RSPO3: variants seen among roughly 807,000 people sequenced by gnomAD.
RSPO3 encodes the protein R-spondin 3.
In RSPO3, 17 loss-of-function variants were observed where a neutral mutation model predicts 36.5. That is an observed-to-expected ratio of 0.47 (90% CI 0.32 to 0.70). The LOEUF (loss-of-function observed/expected upper bound fraction) is 0.70, where lower values mean the gene tolerates loss of function less well. Among genes scored for constraint, RSPO3 ranks in the 30% least tolerant of loss-of-function variants. The pLI is 0.04. For synonymous variants in RSPO3, 108 were observed against 107.0 expected, an observed-to-expected ratio of 1.01 and a Z score of -0.06; for missense variants, 294 against 322.5, an observed-to-expected ratio of 0.91 and a Z score of 0.68.
At chr6:127,147,461 G>T (rs988490814) in intron 1 of RSPO3, among the ~76,000 whole-genome samples, 1 of 151,028 alleles carries the variant, frequency 6.6e-6, no homozygotes, top group African/African-American at 2.4e-5. Context: ...AAGGATTATG[G>T]TTTTTTTTTC....
intron 1 of RSPO3, among the ~76,000 whole-genome samples, chr6:127,123,065 GAA>G (rs890738493): frequency 2.0e-5 from 3 of 152,078 alleles, no homozygotes; most frequent in East Asian, 3.9e-4. Context: ...AAGAAAGAGA[GAA>G]AGAATAAAAA....
chr6:127,176,736 G>A (rs371018026), intron 4 of RSPO3, among the ~76,000 whole-genome samples: 1 of 151,664 alleles, frequency 6.6e-6, no homozygotes, highest in Non-Finnish European at 1.5e-5. Context: ...TTCTACTCCA[G>A]GGTTTTATAA....
intron 4 of RSPO3, among the ~76,000 whole-genome samples, chr6:127,169,634 C>A (rs543118660): frequency 1.3e-5 from 2 of 151,976 alleles, no homozygotes; most frequent in South Asian, 4.1e-4. Context: ...GTTAAAGTGA[C>A]TTTGCAGAAG....
At chr6:127,169,213 T>C (rs1774887327) in intron 4 of RSPO3, among the ~76,000 whole-genome samples, 2 of 151,864 alleles carry the variant, frequency 1.3e-5, no homozygotes, top group South Asian at 4.1e-4. Flanking sequence ...TCTGGGTTTT[T>C]TTTTTCTGTT....
intron 1 of RSPO3, among the ~76,000 whole-genome samples, chr6:127,142,348 G>C (rs1384541231): frequency 6.6e-6 from 1 of 152,020 alleles, no homozygotes; most frequent in Non-Finnish European, 1.5e-5. Context: ...TATTTTCTTG[G>C]GTTGACTGGG....
At chr6:127,141,850 C>T (rs568085309) in intron 1 of RSPO3, among the ~76,000 whole-genome samples, 101 of 151,882 alleles carry the variant, frequency 6.6e-4, no homozygotes, top group South Asian at 2.1e-4. Context: ...GGCATGCATG[C>T]GTGCATATAT....
chr6:127,191,498 T>C (rs896851087), intron 4 of RSPO3, among the ~76,000 whole-genome samples: 1 of 152,236 alleles, frequency 6.6e-6, no homozygotes, highest in Non-Finnish European at 1.5e-5. Flanking sequence ...GAAATGTTTA[T>C]GTAAAAGACT....
At position 127,150,566 on chromosome 6, in the gene RSPO3, A is replaced by C. The variant is rs1357386485; in HGVS notation, c.430A>C (p.Ser144Arg). 2.5e-6 allele frequency: 4 copies of C among 1,607,170 alleles called. No individual in the cohort carries two copies. Among genetic ancestry groups the C allele is most frequent in the African/African-American group, 1.3e-5 (1 of 74,488 alleles). The change falls in exon 3 of 5, where the codon AGT becomes CGT. Residue 144 changes from serine to arginine, a missense_variant. Physicochemically the swap from Ser to Arg is moderately radical, Grantham distance 110 (BLOSUM62 -1). Coordinates refer to ENST00000356698, the MANE Select transcript of RSPO3 (RefSeq NM_032784.5). ...EANNHTMECV[S>R]IVHCEVSEWN... Reference sequence around the variant, plus strand: ...CAACAACCATACTATGGAGTGTGTCAGTATTGGTAAGGAGAACCTGTAATA... The same window carrying C: ...CAACAACCATACTATGGAGTGTGTCCGTATTGGTAAGGAGAACCTGTAATA...
intron 1 of RSPO3, among the ~76,000 whole-genome samples, chr6:127,131,122 T>C (rs1208921434): frequency 6.6e-6 from 1 of 152,160 alleles, no homozygotes; most frequent in Non-Finnish European, 1.5e-5. Context: ...GGGATTTCCT[T>C]GGAGGCCAGT....
rs141558102 is a variant in RSPO3 at position 127,170,434 on chromosome 6, T to TACACACAC, written c.634+15008_634+15015dup. On this transcript the variant is annotated intron_variant, in intron 4 of 4. Transcript: ENST00000356698. ...GAAAACAGCATGGTGGTTCCACACA[T>TACACACAC]ACACACACACACACACACAAATATA... is the stretch of plus-strand genomic sequence containing the variant. Among the ~76,000 whole-genome samples the TACACACAC allele has an allele frequency of 3.9e-3, 588 of 148,968 alleles. 5 individuals carry two copies. The East Asian group carries it at 0.044, about 11-fold the overall frequency.
At chr6:127,141,575 C>T (rs1024438489) in intron 1 of RSPO3, among the ~76,000 whole-genome samples, 1 of 152,082 alleles carries the variant, frequency 6.6e-6, no homozygotes, top group African/African-American at 2.4e-5. Flanking sequence ...CCATTAAAAA[C>T]AGTATGTTTC....
chr6:127,166,925 T>G (rs1219960925), intron 4 of RSPO3, among the ~76,000 whole-genome samples: 1 of 151,974 alleles, frequency 6.6e-6, no homozygotes, highest in Non-Finnish European at 1.5e-5. Flanking sequence ...TTCCACAGGA[T>G]GCCTATTTAT....
intron 1 of RSPO3, among the ~76,000 whole-genome samples, chr6:127,146,911 G>A (rs1004351617): frequency 5.9e-5 from 9 of 151,988 alleles, no homozygotes; most frequent in African/African-American, 9.7e-5. Context: ...ATATGTACAC[G>A]TTTTCTGTAA....
chr6:127,151,251 CTGAT>C (rs766879690), intron 3 of RSPO3, among the ~76,000 whole-genome samples: 1 of 151,890 alleles, frequency 6.6e-6, no homozygotes, highest in South Asian at 2.1e-4. Context: ...GTCCCTGGGG[CTGAT>C]TAATTGCAGG....
intron 1 of RSPO3, among the ~76,000 whole-genome samples, chr6:127,147,620 T>C (rs1317229554): frequency 1.3e-5 from 2 of 152,196 alleles, no homozygotes; most frequent in African/African-American, 4.8e-5. Flanking sequence ...TGATGATGAC[T>C]ATTTAATAGT....
At chr6:127,184,593 T>A (rs1215545284) in intron 4 of RSPO3, among the ~76,000 whole-genome samples, 1 of 152,038 alleles carries the variant, frequency 6.6e-6, no homozygotes, top group Non-Finnish European at 1.5e-5. Context: ...ATTAATCAGA[T>A]GCTTATTAGA....
At chr6:127,169,331 T>G (rs771154937) in intron 4 of RSPO3, among the ~76,000 whole-genome samples, 2 of 151,874 alleles carry the variant, frequency 1.3e-5, no homozygotes, top group South Asian at 2.1e-4. Context: ...GTGTGGGTAT[T>G]CATTCACAAA....
At chr6:127,170,033 A>G (rs1774904713) in intron 4 of RSPO3, among the ~76,000 whole-genome samples, 1 of 151,752 alleles carries the variant, frequency 6.6e-6, no homozygotes, top group African/African-American at 2.4e-5. Context: ...AGATTTGAGC[A>G]TTAGACTAAG....
chr6:127,166,121 A>G (rs1201456697), intron 4 of RSPO3, among the ~76,000 whole-genome samples: 1 of 151,982 alleles, frequency 6.6e-6, no homozygotes, highest in Non-Finnish European at 1.5e-5. Context: ...TTCTGTGTCT[A>G]CAGAAAAAGA....
Sources: gnomAD v4.1 joint callset for allele counts (sites outside exome capture counted in the v4.1 genomes callset) on GRCh38, gnomAD v4.1.1 for gene constraint, MANE v1.5 for transcripts, NCBI Gene and HGNC (gene_info 2026-07-23, HGNC 2026-07-21) for gene names.